The following ANKFN1 variants were observed in gnomAD, a reference collection of about 807,000 sequenced individuals.
ANKFN1 encodes the protein ankyrin repeat and fibronectin type-III domain-containing protein 1.
In ANKFN1, 74 loss-of-function variants were observed where a neutral mutation model predicts 108.7. The ratio of observed to expected loss-of-function variants is 0.68; its 90% CI spans 0.56 to 0.83. The LOEUF (loss-of-function observed/expected upper bound fraction) is 0.83. Among genes scored for constraint, ANKFN1 ranks in the 40% least tolerant of loss-of-function variants. The pLI is 0.00. For synonymous variants in ANKFN1, 547 were observed against 516.2 expected (o/e 1.06, Z -0.81); for missense variants, 1,505 against 1,382.3 (o/e 1.09, Z -1.41).
intron 6 of ANKFN1, among the ~76,000 whole-genome samples, chr17:56,363,324 C>T (rs917952027): frequency 1.3e-5 from 2 of 152,074 alleles, no homozygotes; most frequent in African/African-American, 4.8e-5. Context: ...AAATGATCAG[C>T]ACCTCTAATC....
chr17:56,065,960 G>A (rs1242898203), intron 4 of ANKFN1, among the ~76,000 whole-genome samples: 5 of 152,164 alleles, frequency 3.3e-5, no homozygotes, highest in Non-Finnish European at 7.3e-5. Context: ...TAAAATATCT[G>A]CAAAGCTCAA....
At chr17:56,118,618 C>T (rs1296842171) in intron 4 of ANKFN1, among the ~76,000 whole-genome samples, 1 of 152,098 alleles carries the variant, frequency 6.6e-6, no homozygotes, top group African/African-American at 2.4e-5. Flanking sequence ...CATGTGTTAA[C>T]ACACATTTAA....
chr17:56,368,452 G>A (rs916421697), intron 6 of ANKFN1, among the ~76,000 whole-genome samples: 6 of 151,192 alleles, frequency 4.0e-5, no homozygotes, highest in Admixed American at 2.6e-4. Flanking sequence ...GCTAATTTTT[G>A]TATTTTTAGT....
At chr17:56,261,442 G>A (rs984871892) in intron 3 of ANKFN1, among the ~76,000 whole-genome samples, 3 of 152,168 alleles carry the variant, frequency 2.0e-5, no homozygotes, top group African/African-American at 4.8e-5. Flanking sequence ...TAGGATAAAT[G>A]TATATATGAA....
At chr17:56,153,981 T>C (rs1009172572) in intron 1 of ANKFN1, among the ~76,000 whole-genome samples, 1 of 152,192 alleles carries the variant, frequency 6.6e-6, no homozygotes, top group African/African-American at 2.4e-5. Flanking sequence ...TTTATGGACT[T>C]TATTGTCATG....
chr17:56,433,800 T>A (rs112989133), intron 8 of ANKFN1, among the ~76,000 whole-genome samples: 4,398 of 150,586 alleles, frequency 0.029, 189 homozygotes, highest in African/African-American at 0.1. Context: ...TGTAACCAAA[T>A]ACCACCTGTT....
chr17:56,307,770 C>T (rs1445363392), intron 3 of ANKFN1, among the ~76,000 whole-genome samples: 1 of 152,186 alleles, frequency 6.6e-6, no homozygotes, highest in Admixed American at 6.5e-5. Context: ...TATAAAGACA[C>T]ATGCACACGT....
intron 3 of ANKFN1, among the ~76,000 whole-genome samples, chr17:56,289,414 A>G (rs1387694269): frequency 2.0e-5 from 3 of 152,196 alleles, no homozygotes; most frequent in Non-Finnish European, 1.5e-5. Flanking sequence ...AGATTCGCTC[A>G]TAAGAAAACC....
intron 8 of ANKFN1, among the ~76,000 whole-genome samples, chr17:56,389,100 A>G (rs996057385): frequency 6.6e-6 from 1 of 152,202 alleles, no homozygotes; most frequent in Non-Finnish European, 1.5e-5. Context: ...TTTATAGAGA[A>G]ACTTGTACAC....
intron 1 of ANKFN1, among the ~76,000 whole-genome samples, chr17:56,195,892 G>A (rs1913461906): frequency 6.6e-6 from 1 of 151,280 alleles, no homozygotes; most frequent in African/African-American, 2.4e-5. Flanking sequence ...ATATATATAT[G>A]CCACATTACA....
chr17:56,265,595 T>C (rs1299878423), intron 3 of ANKFN1, among the ~76,000 whole-genome samples: 2 of 152,176 alleles, frequency 1.3e-5, no homozygotes, highest in Admixed American at 6.5e-5. Context: ...TTTCACAGCA[T>C]GGAAGCCAAG....
chr17:56,499,129 T>G (rs1240971826), intron 20 of ANKFN1, 31 bp downstream of exon 20: 3 of 1,528,474 alleles, frequency 2.0e-6, no homozygotes, highest in Non-Finnish European at 2.6e-6. Flanking sequence ...TTCTGTTGTT[T>G]AGTCCCTGGA....
At chr17:56,399,990 G>A (rs2047712407) in intron 8 of ANKFN1, among the ~76,000 whole-genome samples, 2 of 150,134 alleles carry the variant, frequency 1.3e-5, no homozygotes, top group Admixed American at 1.3e-4. Flanking sequence ...GTGGATTGAT[G>A]GGCATTTGTG....
At chr17:56,477,451 T>A in intron 15 of ANKFN1, 37 bp from the exon 16 acceptor site, 2 of 1,516,090 alleles carry the variant, frequency 1.3e-6, no homozygotes, top group Non-Finnish European at 1.8e-6. Context: ...CGAGTTGTTT[T>A]CTTGTTTTCT....
intron 15 of ANKFN1, chr17:56,471,604 C>T (rs1034938316): frequency 6.6e-6 from 1 of 152,162 alleles, no homozygotes; most frequent in Admixed American, 6.5e-5. Flanking sequence ...TTCATAGAAG[C>T]ATTATTCACA....
intron 4 of ANKFN1, among the ~76,000 whole-genome samples, chr17:56,053,091 T>A (rs1476725263): frequency 6.6e-6 from 1 of 152,216 alleles, no homozygotes; most frequent in Non-Finnish European, 1.5e-5. Flanking sequence ...TAGTGACTAA[T>A]GCTATTTACT....
chr17:56,161,190 T>C (rs1244736152), intron 1 of ANKFN1, among the ~76,000 whole-genome samples: 1 of 152,232 alleles, frequency 6.6e-6, no homozygotes, highest in Non-Finnish European at 1.5e-5. Flanking sequence ...TTAAATGAGA[T>C]TATGCATTAA....
chr17:56,489,593 CACA>C (rs2050966933), intron 18 of ANKFN1, among the ~76,000 whole-genome samples: 1 of 152,044 alleles, frequency 6.6e-6, no homozygotes, highest in African/African-American at 2.4e-5. Flanking sequence ...ACCACAGGGA[CACA>C]ACAAGAGAAA....
intron 8 of ANKFN1, among the ~76,000 whole-genome samples, chr17:56,415,637 A>G (rs2048222347): frequency 6.6e-6 from 1 of 152,190 alleles, no homozygotes; most frequent in South Asian, 2.1e-4. Context: ...TATCCGTACT[A>G]CCCAAAGCAA....
Sources: allele counts gnomAD v4.1 joint callset (sites outside exome capture counted in the v4.1 genomes callset), GRCh38; gene constraint gnomAD v4.1.1; transcripts MANE v1.5; gene names NCBI Gene and HGNC (gene_info 2026-07-23, HGNC 2026-07-21).